Variants in UGT1A8 observed in about 807,000 individuals in gnomAD.
UGT1A8 encodes the protein UDP-glucuronosyltransferase 1A8.
UGT1A8 carries 39 observed loss-of-function variants against 45.3 expected under a neutral mutation model. That is an observed-to-expected ratio of 0.86 (90% CI 0.67 to 1.12). UGT1A8 has a LOEUF of 1.12. UGT1A8 is among the 50% of genes most tolerant of loss of function. The pLI, the probability that UGT1A8 is intolerant of heterozygous loss-of-function variation, is 0.00. For synonymous variants in UGT1A8, 275 were observed against 249.2 expected (o/e 1.10, Z -0.97); for missense variants, 719 against 664.9 (o/e 1.08, Z -0.90).
At chr2:233,662,679 C>A (rs2074000022) in intron 1 of UGT1A8, among the ~76,000 whole-genome samples, 1 of 152,068 alleles carries the variant, frequency 6.6e-6, no homozygotes, top group African/African-American at 2.4e-5. Context: ...AGTAATTAGC[C>A]CCCATTCTTG....
intron 1 of UGT1A8, among the ~76,000 whole-genome samples, chr2:233,699,289 G>A (rs2075496280): frequency 6.6e-6 from 1 of 151,998 alleles, no homozygotes; most frequent in African/African-American, 2.4e-5. Context: ...CCAGATGCTG[G>A]GACACTCTTA....
chr2:233,687,549 G>A lies in UGT1A8; in HGVS notation c.855+68987G>A, dbSNP rs6737107. 1.6e-3 allele frequency among the ~76,000 whole-genome samples: 229 copies of A among 144,690 alleles called. 1 individual carries two copies. The highest frequency in any genetic ancestry group is 5.8e-3 in the African/African-American group (227 of 38,850). 94.9% of individuals were successfully genotyped at this position (144,690 alleles called of 152,430 possible). A position where few individuals can be genotyped will look rare whatever the true frequency, so the allele number is the denominator to read the frequency against. On this transcript the variant is annotated intron_variant, in intron 1 of 4. Coordinates refer to ENST00000373450, the MANE Select transcript of UGT1A8 (RefSeq NM_019076.5). ...GCCCAAGGTTATGCCTCAAGTAAGT[G>A]GGGGAGCCAGAATTCAAGACCATAC...
At chr2:233,719,789 A>T in intron 1 of UGT1A8, 1 of 1,609,250 alleles carries the variant, frequency 6.2e-7, no homozygotes, top group South Asian at 1.1e-5. Context: ...CTTTCCAAAG[A>T]TTTTATTTTG....
At chr2:233,713,061 C>T (rs1420543594) in intron 1 of UGT1A8, 5 of 1,614,008 alleles carry the variant, frequency 3.1e-6, no homozygotes, top group East Asian at 2.2e-5. Context: ...CAGTGTCCAG[C>T]CCTGGGCTGA....
intron 1 of UGT1A8, among the ~76,000 whole-genome samples, chr2:233,720,807 G>C (rs879376102): frequency 6.0e-5 from 9 of 150,156 alleles, no homozygotes; most frequent in Non-Finnish European, 5.9e-5. Context: ...CCGGGTTTAA[G>C]AAATTCTCCC....
intron 1 of UGT1A8, among the ~76,000 whole-genome samples, chr2:233,683,434 TAAG>T (rs2074633803): frequency 6.6e-6 from 1 of 152,172 alleles, no homozygotes; most frequent in African/African-American, 2.4e-5. Flanking sequence ...TGAGCAATAA[TAAG>T]AATTCTTGTA....
At position 233,690,892 on chromosome 2, in the gene UGT1A8, G is replaced by A. The variant is rs1171545232; in HGVS notation, c.855+72330G>A. 3 of 1,044,122 alleles carry A rather than the reference G, an allele frequency of 2.9e-6. No homozygotes were observed. In the African/African-American group the frequency reaches 5.1e-5, roughly 18 times the overall value. 64.7% of individuals were successfully genotyped at this position (1,044,122 alleles called of 1,614,324 possible). A position where few individuals can be genotyped will look rare whatever the true frequency, so the allele number is the denominator to read the frequency against. ...AGAAGGTGTTAGGAATTCAAGGGAT[G>A]GTATGCATAGTGATGTTAGTTTCAT... is the stretch of plus-strand genomic sequence containing the variant. On this transcript the variant is annotated intron_variant, in intron 1 of 4. Coordinates refer to ENST00000373450, the MANE Select transcript of UGT1A8 (RefSeq NM_019076.5).
chr2:233,750,239 C>T (rs1187783492), intron 1 of UGT1A8, among the ~76,000 whole-genome samples: 2 of 151,854 alleles, frequency 1.3e-5, no homozygotes, highest in African/African-American at 2.4e-5. Context: ...TTATTGGGAA[C>T]TGGAACAAAG....
intron 1 of UGT1A8, chr2:233,743,543 C>G: frequency 7.3e-7 from 1 of 1,367,070 alleles, no homozygotes; most frequent in Non-Finnish European, 9.8e-7. Context: ...TTCCTCTGAC[C>G]CCCCCAAAAT....
At chr2:233,639,112 A>G (rs933516942) in intron 1 of UGT1A8, among the ~76,000 whole-genome samples, 5 of 152,218 alleles carry the variant, frequency 3.3e-5, no homozygotes, top group Non-Finnish European at 5.9e-5. Context: ...AAACCTATAT[A>G]TGATTTTATA....
chr2:233,685,092 A>G (rs543205229), intron 1 of UGT1A8, among the ~76,000 whole-genome samples: 21 of 152,302 alleles, frequency 1.4e-4, no homozygotes, highest in Admixed American at 2.6e-4. Context: ...AAGGTTTCCT[A>G]TAACAAAATC....
At chr2:233,671,951 G>A in intron 1 of UGT1A8, 1 of 1,612,762 alleles carries the variant, frequency 6.2e-7, no homozygotes, top group Non-Finnish European at 8.5e-7. Flanking sequence ...TGCACAGGGT[G>A]GACCAGCCCC....
intron 1 of UGT1A8, among the ~76,000 whole-genome samples, chr2:233,634,259 G>A (rs1575388786): frequency 1.3e-5 from 2 of 152,322 alleles, no homozygotes; most frequent in East Asian, 3.9e-4. Context: ...TAAGTGCAAT[G>A]TGGTGCTGAG....
intron 1 of UGT1A8, chr2:233,713,287 C>T (rs28946880): frequency 3.7e-6 from 6 of 1,614,228 alleles, no homozygotes; most frequent in Non-Finnish European, 5.1e-6. Context: ...CACACTCAAT[C>T]GTTCTTTGAA....
chr2:233,757,451 G>GTC (rs1696532284), intron 1 of UGT1A8, among the ~76,000 whole-genome samples: 1 of 150,202 alleles, frequency 6.7e-6, no homozygotes, highest in South Asian at 2.1e-4. Context: ...ACAGAAACAT[G>GTC]TCCAGAGCGC....
intron 1 of UGT1A8, among the ~76,000 whole-genome samples, chr2:233,635,918 C>T (rs1446499535): frequency 6.6e-6 from 1 of 150,806 alleles, no homozygotes; most frequent in African/African-American, 2.5e-5. Flanking sequence ...TGGTATGGTC[C>T]ATGGAGGCAG....
intron 1 of UGT1A8, chr2:233,682,294 A>G (rs747717914): frequency 1.2e-6 from 2 of 1,614,104 alleles, no homozygotes; most frequent in Non-Finnish European, 1.7e-6. Context: ...TTTTTGACTT[A>G]TTTTTTTCAA....
Position 233,637,087 on chromosome 2 carries a change from T to G in UGT1A8, c.855+18525T>G, listed in dbSNP as rs138189938. ...TGCACAGTGCCCTGCTCCTCTTTCC[T>G]ATGTCCCCAATGATCTCTTAGGGTT... is the stretch of plus-strand genomic sequence containing the variant. On this transcript the variant is annotated intron_variant, in intron 1 of 4. Coordinates refer to ENST00000373450, the MANE Select transcript of UGT1A8 (RefSeq NM_019076.5). The G allele has an allele frequency of 9.3e-6, 15 of 1,613,964 alleles. No homozygotes were observed. In the South Asian group the frequency reaches 1.6e-4, roughly 18 times the overall value.
intron 1 of UGT1A8, among the ~76,000 whole-genome samples, chr2:233,684,208 A>C (rs2125528329): frequency 6.6e-6 from 1 of 152,300 alleles, no homozygotes; most frequent in South Asian, 2.1e-4. Context: ...CAACCAACTC[A>C]TGGGAAAATG....
Sources: allele counts gnomAD v4.1 joint callset (sites outside exome capture counted in the v4.1 genomes callset), GRCh38; gene constraint gnomAD v4.1.1; transcripts MANE v1.5; gene names NCBI Gene and HGNC (gene_info 2026-07-23, HGNC 2026-07-21).